The following AKAP13 variants were observed in gnomAD, a reference collection of about 807,000 sequenced individuals.
AKAP13 encodes the protein A-kinase anchor protein 13.
AKAP13 carries 80 observed loss-of-function variants against 264.5 expected under a neutral mutation model. That is an observed-to-expected ratio of 0.30 (90% confidence interval 0.25 to 0.36). The LOEUF (loss-of-function observed/expected upper bound fraction) is 0.36, where lower values mean the gene tolerates loss of function less well. Ranked by LOEUF, AKAP13 falls within the 10% of genes least tolerant of loss-of-function variation. AKAP13 has a pLI of 1.00. For missense variants in AKAP13, 3,712 were observed against 3,435.2 expected (o/e 1.08, Z -2.01); for synonymous variants, 1,380 against 1,250.2 (o/e 1.10, Z -2.19).
chr15:85,613,499 G>A lies in AKAP13; in HGVS notation c.4162-25875G>A, dbSNP rs571252051. On this transcript the variant is annotated intron_variant, in intron 8 of 36. Coordinates refer to ENST00000394518, the MANE Select transcript of AKAP13 (RefSeq NM_007200.5). ...GATCGAGACCATCCTGGCTAACACG[G>A]TGAAACCCCGTCTCTACTAAAAATG... Among the ~76,000 whole-genome samples the A allele has an allele frequency of 2.4e-3, 364 of 151,818 alleles. 1 individual carries two copies. Among genetic ancestry groups the A allele is most frequent in the Non-Finnish European group, 4.0e-3 (273 of 67,954 alleles).
intron 33 of AKAP13, among the ~76,000 whole-genome samples, chr15:85,737,468 T>C (rs1382535170): frequency 3.3e-5 from 5 of 152,204 alleles, no homozygotes; most frequent in Non-Finnish European, 2.9e-5. Flanking sequence ...GTGTTTCTTC[T>C]TTTTCTTGTC....
intron 1 of AKAP13, among the ~76,000 whole-genome samples, chr15:85,450,326 A>ATTCT (rs2074040472): frequency 6.6e-6 from 1 of 150,686 alleles, no homozygotes; most frequent in Non-Finnish European, 1.5e-5. Flanking sequence ...TAATTAGTTT[A>ATTCT]GCGATCTTTT....
intron 1 of AKAP13, among the ~76,000 whole-genome samples, chr15:85,484,037 T>A (rs1008409456): frequency 1.5e-4 from 23 of 152,130 alleles, no homozygotes; most frequent in Non-Finnish European, 3.1e-4. Flanking sequence ...TTCTGCTTGA[T>A]GCAGGAACAC....
At chr15:85,436,002 A>T (rs907499273) in intron 1 of AKAP13, among the ~76,000 whole-genome samples, 2 of 147,602 alleles carry the variant, frequency 1.4e-5, no homozygotes, top group Admixed American at 6.8e-5. Flanking sequence ...AAATGCTTCA[A>T]TTAAAAGACA....
chr15:85,729,075 C>T lies in AKAP13; in HGVS notation c.7088-1438C>T, dbSNP rs536332778. On this transcript the variant is annotated intron_variant, in intron 29 of 36. Coordinates refer to ENST00000394518, the MANE Select transcript of AKAP13 (RefSeq NM_007200.5). Reference sequence around the variant, plus strand: ...CAGCACTTTGGGAGGCCACGGCGGGCGGATCACAAGGTCAGGAGTTCGAGA... The same window carrying T: ...CAGCACTTTGGGAGGCCACGGCGGGTGGATCACAAGGTCAGGAGTTCGAGA... Among the ~76,000 whole-genome samples the T allele has an allele frequency of 9.1e-4, 138 of 151,802 alleles. 2 individuals carry two copies. Among genetic ancestry groups the T allele is most frequent in the Admixed American group, 7.5e-3 (115 of 15,262 alleles).
At chr15:85,691,534 A>C (rs1220597164) in intron 16 of AKAP13, among the ~76,000 whole-genome samples, 1 of 152,176 alleles carries the variant, frequency 6.6e-6, no homozygotes, top group Admixed American at 6.5e-5. Flanking sequence ...TCTTAGATTG[A>C]GGCTTGATGT....
At chr15:85,487,737 TTATG>T (rs1420123481) in intron 2 of AKAP13, among the ~76,000 whole-genome samples, 4 of 146,866 alleles carry the variant, frequency 2.7e-5, no homozygotes, top group Admixed American at 2.0e-4. Flanking sequence ...GGCTATTTAT[TTATG>T]TATTTATTGA....
intron 13 of AKAP13, among the ~76,000 whole-genome samples, chr15:85,664,969 G>A (rs900136496): frequency 7.2e-5 from 11 of 152,106 alleles, no homozygotes; most frequent in Admixed American, 1.3e-4. Flanking sequence ...GGGAGGTTGA[G>A]GCAGGAGGAT....
chr15:85,627,962 A>G (rs946194469), intron 8 of AKAP13, among the ~76,000 whole-genome samples: 2 of 152,192 alleles, frequency 1.3e-5, no homozygotes, highest in Non-Finnish European at 2.9e-5. Context: ...TCATATACCA[A>G]CGCTTTTGTT....
Position 85,579,152 on chromosome 15 carries a change from G to A in AKAP13, c.1084G>A (p.Glu362Lys), listed in dbSNP as rs1474187570. 1.2e-6 allele frequency: 2 copies of A among 1,614,048 alleles called. No individual in the cohort carries two copies. The highest frequency in any genetic ancestry group is 1.7e-6 in the Non-Finnish European group (2 of 1,180,048). Residue 362 changes from glutamate (E) to lysine (K), a missense_variant, in exon 7 of 37, where the codon GAG (glutamate) becomes AAG (lysine). Physicochemically the swap from Glu to Lys is moderately conservative, Grantham distance 56 (BLOSUM62 1). Coordinates refer to ENST00000394518, the MANE Select transcript of AKAP13 (RefSeq NM_007200.5). ...SPCDLSSIVE[E>K]ENTDRSCRKK... ...CTGTGATTTGTCAAGCATAGTTGAG[G>A]AGGAGAATACAGACCGTTCCTGTAG...
chr15:85,398,974 C>T (rs1416097770), intron 1 of AKAP13, among the ~76,000 whole-genome samples: 2 of 152,126 alleles, frequency 1.3e-5, no homozygotes, highest in South Asian at 2.1e-4. Flanking sequence ...TTCCTCTATG[C>T]TATTATAAAC....
chr15:85,569,451 C>CTTTTCT (rs2078725548), intron 5 of AKAP13, among the ~76,000 whole-genome samples: 1 of 121,822 alleles, frequency 8.2e-6, no homozygotes, highest in African/African-American at 3.0e-5. Flanking sequence ...TTTTTCTTTT[C>CTTTTCT]TTTTTTTTTT....
chr15:85,665,334 T>C (rs966553853), intron 13 of AKAP13, among the ~76,000 whole-genome samples: 3 of 152,254 alleles, frequency 2.0e-5, no homozygotes, highest in African/African-American at 7.2e-5. Flanking sequence ...TCTGAGACCA[T>C]CTTTTACCCT....
intron 2 of AKAP13, among the ~76,000 whole-genome samples, chr15:85,489,252 A>T (rs923719755): frequency 1.3e-5 from 2 of 152,228 alleles, no homozygotes; most frequent in Non-Finnish European, 2.9e-5. Flanking sequence ...AGGGAAGCAC[A>T]GCTCAGTTCT....
intron 5 of AKAP13, among the ~76,000 whole-genome samples, chr15:85,553,084 C>CTTTTTTTTTT (rs10693195): frequency 8.3e-6 from 1 of 120,402 alleles, no homozygotes; most frequent in Non-Finnish European, 1.7e-5. Flanking sequence ...ATCTGTAATT[C>CTTTTTTTTTT]TTTTTTTTTT....
intron 5 of AKAP13, among the ~76,000 whole-genome samples, chr15:85,559,348 TC>T (rs1184467179): frequency 6.6e-6 from 1 of 152,140 alleles, no homozygotes; most frequent in African/African-American, 2.4e-5. Flanking sequence ...ATTTCAGTGG[TC>T]CCCAATTTTT....
intron 1 of AKAP13, among the ~76,000 whole-genome samples, chr15:85,458,165 C>T (rs1389837055): frequency 6.7e-6 from 1 of 150,232 alleles, no homozygotes; most frequent in Non-Finnish European, 1.5e-5. Flanking sequence ...GTTGAAAATA[C>T]TAACTTTTAA....
At chr15:85,738,120 G>C (rs919912134) in intron 33 of AKAP13, among the ~76,000 whole-genome samples, 1 of 152,078 alleles carries the variant, frequency 6.6e-6, no homozygotes, top group Admixed American at 6.5e-5. Flanking sequence ...AAGAGGGGCC[G>C]GGCTCGGTGG....
intron 35 of AKAP13, among the ~76,000 whole-genome samples, chr15:85,741,729 C>CAAACAAA (rs1567225969): frequency 2.4e-5 from 2 of 82,272 alleles, no homozygotes; most frequent in African/African-American, 6.9e-5. Context: ...AACAAACAAA[C>CAAACAAA]AAAAAAAAAA....
Sources: gnomAD v4.1 joint callset for allele counts (sites outside exome capture counted in the v4.1 genomes callset) on GRCh38, gnomAD v4.1.1 for gene constraint, MANE v1.5 for transcripts, NCBI Gene and HGNC (gene_info 2026-07-23, HGNC 2026-07-21) for gene names.